Variants in GABRA3 observed in about 807,000 individuals in gnomAD.
GABRA3 encodes the protein gamma-aminobutyric acid type A receptor subunit alpha3.
GABRA3 carries 10 observed loss-of-function variants against 30.1 expected under a neutral mutation model. That is an observed-to-expected ratio of 0.33 (90% CI 0.20 to 0.56). The LOEUF is 0.56. GABRA3 is among the 20% of genes least tolerant of loss of function. The pLI, the probability that GABRA3 is intolerant of heterozygous loss-of-function variation, is 0.89. For missense variants in GABRA3, 233 were observed against 392.0 expected, an observed-to-expected ratio of 0.59 and a Z score of 3.42; for synonymous variants, 151 against 146.8, an observed-to-expected ratio of 1.03 and a Z score of -0.21.
chrX:152,282,727 G>A (rs926694445), intron 4 of GABRA3, among the ~76,000 whole-genome samples: 1 of 112,063 alleles, frequency 8.9e-6, no homozygotes, highest in African/African-American at 3.2e-5. Flanking sequence ...GCAGAGTGAG[G>A]AGCTGGTTGG....
intron 1 of GABRA3, among the ~76,000 whole-genome samples, chrX:152,387,771 T>TA (rs1293629489): frequency 1.8e-5 from 2 of 111,452 alleles, no homozygotes; most frequent in Non-Finnish European, 3.8e-5. Flanking sequence ...AAAAGCTTTT[T>TA]AAAAAAATGC....
At chrX:152,352,491 G>C (rs1008517015) in intron 2 of GABRA3, among the ~76,000 whole-genome samples, 1 of 111,309 alleles carries the variant, frequency 9.0e-6, no homozygotes, top group Admixed American at 9.5e-5. Flanking sequence ...CAATGAAGCT[G>C]TCAAACTCAT....
At chrX:152,245,007 A>C (rs754070491) in intron 5 of GABRA3, among the ~76,000 whole-genome samples, 1 of 111,559 alleles carries the variant, frequency 9.0e-6, no homozygotes, top group Non-Finnish European at 1.9e-5. Flanking sequence ...AAAGGTTCCC[A>C]CACTAACTAG....
rs58520094 is a variant in GABRA3, at chrX:152,315,971, A to ACC, written c.262+29608_262+29609dup. 5.7e-4 allele frequency among the ~76,000 whole-genome samples: 17 copies of ACC among 29,798 alleles called. 1 individual carries two copies. The highest frequency in any genetic ancestry group is 9.4e-4 in the African/African-American group (6 of 6,355). The allele number at this position is 29,798 out of a possible 115,157, so 25.9% of individuals were successfully genotyped here. A position where few individuals can be genotyped will look rare whatever the true frequency, so the allele number is the denominator to read the frequency against. On this transcript the variant is annotated intron_variant, in intron 3 of 9. Transcript: ENST00000370314. ...TTGGGAGTTTTAGGCCCGCCCCCCG[A>ACC]CCCCCCCCCCCCCCACCACATGATC... is the stretch of plus-strand genomic sequence containing the variant.
intron 1 of GABRA3, among the ~76,000 whole-genome samples, chrX:152,417,363 A>C (rs1333788555): frequency 1.8e-5 from 2 of 109,469 alleles, no homozygotes; most frequent in Admixed American, 9.8e-5. Context: ...ATCATTAAAA[A>C]GTCAGGAAAC....
At chrX:152,227,276 G>T (rs761210121) in intron 5 of GABRA3, among the ~76,000 whole-genome samples, 1 of 102,280 alleles carries the variant, frequency 9.8e-6, no homozygotes, top group Non-Finnish European at 2.0e-5. Context: ...GTAAACTATC[G>T]CAAGGACAAA....
intron 1 of GABRA3, among the ~76,000 whole-genome samples, chrX:152,368,979 A>G (rs986089345): frequency 1.8e-5 from 2 of 111,560 alleles, no homozygotes; most frequent in African/African-American, 3.3e-5. Context: ...TGCTGGGATT[A>G]CAGGCGTAAG....
chrX:152,222,594 A>G (rs1466721222), intron 6 of GABRA3, among the ~76,000 whole-genome samples: 2 of 109,648 alleles, frequency 1.8e-5, no homozygotes, highest in East Asian at 2.9e-4. Flanking sequence ...TTTAGGTCTC[A>G]TGGGCCTGCC....
intron 1 of GABRA3, among the ~76,000 whole-genome samples, chrX:152,368,940 T>G (rs771757093): frequency 1.8e-5 from 2 of 111,020 alleles, no homozygotes; most frequent in African/African-American, 6.6e-5. Context: ...CTCCTGACCT[T>G]GTGATCCGCC....
intron 3 of GABRA3, among the ~76,000 whole-genome samples, chrX:152,325,557 C>T (rs1337481669): frequency 8.9e-6 from 1 of 112,021 alleles, no homozygotes; most frequent in African/African-American, 3.2e-5. Context: ...TGTTCTGCAG[C>T]CTCTGCTGGT....
intron 7 of GABRA3, among the ~76,000 whole-genome samples, chrX:152,204,530 C>G (rs28706599): frequency 2.2e-3 from 241 of 110,514 alleles, no homozygotes; most frequent in African/African-American, 7.4e-3. Context: ...TTTAATCTGT[C>G]TGAGCCTCGA....
At chrX:152,324,037 G>C (rs776819778) in intron 3 of GABRA3, among the ~76,000 whole-genome samples, 2 of 112,023 alleles carry the variant, frequency 1.8e-5, no homozygotes, top group African/African-American at 6.5e-5. Flanking sequence ...CCTTATTAAA[G>C]GAACTTAATA....
At chrX:152,182,348 A>C (rs1329587932) in intron 9 of GABRA3, among the ~76,000 whole-genome samples, 1 of 99,541 alleles carries the variant, frequency 1.0e-5, no homozygotes, top group East Asian at 3.2e-4. Flanking sequence ...GTGTATGTAT[A>C]TATATACACA....
chrX:152,317,141 T>C (rs1939890521), intron 3 of GABRA3, among the ~76,000 whole-genome samples: 1 of 111,458 alleles, frequency 9.0e-6, no homozygotes, highest in Non-Finnish European at 1.9e-5. Context: ...AGTTTGCAAA[T>C]TGACACCAAA....
At chrX:152,293,143 C>T (rs1425299894) in intron 3 of GABRA3, among the ~76,000 whole-genome samples, 4 of 111,135 alleles carry the variant, frequency 3.6e-5, no homozygotes, top group Non-Finnish European at 7.5e-5. Context: ...CTAATATTGA[C>T]AGTGGGGTGT....
intron 3 of GABRA3, among the ~76,000 whole-genome samples, chrX:152,286,676 G>A: frequency 9.0e-6 from 1 of 111,100 alleles, no homozygotes; most frequent in Non-Finnish European, 1.9e-5. Context: ...CCATTCCTTA[G>A]GCTTAATATA....
At chrX:152,303,820 G>A (rs762870824) in intron 3 of GABRA3, among the ~76,000 whole-genome samples, 1 of 109,793 alleles carries the variant, frequency 9.1e-6, no homozygotes, top group South Asian at 4.0e-4. Flanking sequence ...AGGGGGTGGG[G>A]GCCAACGGGG....
At position 152,325,297 on chromosome X, in the gene GABRA3, T is replaced by C. The variant is rs771415965; in HGVS notation, c.262+20284A>G. 4.5e-5 allele frequency among the ~76,000 whole-genome samples: 5 copies of C among 111,863 alleles called. No homozygotes were observed. The South Asian group carries it at 1.1e-3, about 25-fold the overall frequency. On this transcript the variant is annotated intron_variant, in intron 3 of 9. Transcript: ENST00000370314. ...AGTCTACAGCTCCCAGCGTGAGCAATGCAGAAGACGAATGATTTCTGCATT... is the reference window on the plus strand; with the variant it reads ...AGTCTACAGCTCCCAGCGTGAGCAACGCAGAAGACGAATGATTTCTGCATT...
intron 6 of GABRA3, among the ~76,000 whole-genome samples, chrX:152,212,971 G>A (rs143370728): frequency 2.0e-3 from 218 of 111,066 alleles, no homozygotes; most frequent in African/African-American, 6.6e-3. Flanking sequence ...AGGAGCTGGG[G>A]TAGGGTGGAG....
Sources: allele counts gnomAD v4.1 joint callset (sites outside exome capture counted in the v4.1 genomes callset), GRCh38; gene constraint gnomAD v4.1.1; transcripts MANE v1.5; gene names NCBI Gene and HGNC (gene_info 2026-07-23, HGNC 2026-07-21).